Variants in PCDHGB7 observed in about 807,000 individuals in gnomAD.
PCDHGB7 encodes protocadherin gamma-B7.
In PCDHGB7, 37 loss-of-function variants were observed where a neutral mutation model predicts 61.4. The ratio of observed to expected loss-of-function variants is 0.60; its 90% CI spans 0.46 to 0.79. The LOEUF is 0.79. PCDHGB7 is among the 30% of genes least tolerant of loss of function. The pLI is 0.00. For missense variants in PCDHGB7, 1,166 were observed against 1,202.5 expected (o/e 0.97, Z 0.45); for synonymous variants, 464 against 503.5 (o/e 0.92, Z 1.05).
chr5:141,465,950 A>G (rs570810183), intron 1 of PCDHGB7, among the ~76,000 whole-genome samples: 2 of 152,102 alleles, frequency 1.3e-5, no homozygotes, highest in African/African-American at 4.8e-5. Flanking sequence ...GTGAAACCCC[A>G]TCTCTACTAA....
At chr5:141,423,341 TC>T (rs767448191) in intron 1 of PCDHGB7, 181 of 1,614,176 alleles carry the variant, frequency 1.1e-4, no homozygotes, top group Admixed American at 2.7e-4. Context: ...TCCTGCATCT[TC>T]CTGGTCTTTG....
Position 141,489,712 on chromosome 5 carries a change from C to G in PCDHGB7, c.2416-5095C>G. On this transcript the variant is annotated intron_variant, in intron 1 of 3. Transcript: ENST00000398594. The surrounding 1 kb of genome is among the most constrained non-coding windows in gnomAD (Gnocchi z 4.5). ...GGCACGATTCCCACTGGACAGTGCC[C>G]AGGATCCGGATGTGGGCACCAATAC... The G allele has an allele frequency of 6.2e-7, 1 of 1,614,162 alleles. No individual in the cohort carries two copies. Among genetic ancestry groups the G allele is most frequent in the South Asian group, 1.1e-5 (1 of 91,078 alleles).
chr5:141,418,031 G>A lies in PCDHGB7; in HGVS notation c.172G>A (p.Val58Ile), dbSNP rs760396058. The change falls in exon 1 of 4, where the codon GTC (valine) becomes ATC (isoleucine). Residue 58 changes from valine to isoleucine, a missense_variant. Coordinates refer to ENST00000398594, the MANE Select transcript of PCDHGB7 (RefSeq NM_018927.4). ...CCTCGCTAAGGATCTAGGGCTTAGT[G>A]TCCTGGATGTGTCGGCTCGCGAGCT... is the stretch of plus-strand genomic sequence containing the variant. ...GNLAKDLGLS[V>I]LDVSARELRV... 6.2e-7 allele frequency: 1 copy of A among 1,614,022 alleles called. No individual in the cohort carries two copies. Among genetic ancestry groups the A allele is most frequent in the Non-Finnish European group, 8.5e-7 (1 of 1,179,866 alleles).
Position 141,487,252 on chromosome 5 carries a change from G to T in PCDHGB7, c.2416-7555G>T. ...GAGAATCTCGTCTAACCCTCTACTT[G>T]GCTGTGTCCCTAGTGGCAATTTGCT... On this transcript the variant is annotated intron_variant, in intron 1 of 3. Transcript: ENST00000398594. The surrounding 1 kb of genome is among the most constrained non-coding windows in gnomAD (Gnocchi z 5.0). 1 of 1,614,110 alleles carries T rather than the reference G, an allele frequency of 6.2e-7. No homozygotes were observed. The highest frequency in any genetic ancestry group is 8.5e-7 in the Non-Finnish European group (1 of 1,180,014).
At chr5:141,463,518 G>C (rs537466389) in intron 1 of PCDHGB7, among the ~76,000 whole-genome samples, 1 of 139,068 alleles carries the variant, frequency 7.2e-6, no homozygotes, top group African/African-American at 2.8e-5. Context: ...GCGTGATCTC[G>C]GCTTACTAGA....
rs1326296096 is a variant in PCDHGB7, at chr5:141,505,460, A to G, written c.2542A>G (p.Met848Val). The change falls in exon 3 of 4, where the codon ATG becomes GTG. Residue 848 changes from methionine to valine, a missense_variant. Transcript: ENST00000398594. Reference protein sequence around the residue: ...NQFDTEMLQAMILASASEAAD... With the variant: ...NQFDTEMLQAVILASASEAAD... ...GTTTGACACAGAGATGCTGCAAGCC[A>G]TGATCTTGGCGTCCGCCAGTGGTAA... 2 of 1,614,070 alleles carry G rather than the reference A, an allele frequency of 1.2e-6. No homozygotes were observed. The highest frequency in any genetic ancestry group is 1.3e-5 in the African/African-American group (1 of 74,942).
In PCDHGB7 at chr5:141,511,074, C is replaced by G; in HGVS notation, c.2691C>G (p.Ser897Arg). 1.2e-6 allele frequency: 2 copies of G among 1,614,238 alleles called. No homozygotes were observed. The highest frequency in any genetic ancestry group is 1.7e-6 in the Non-Finnish European group (2 of 1,180,040). ...GCCAGAATGTCTACATCCCAGGCAGCAATGCCACACTGACCAACGCAGCTG... is the reference window on the plus strand; with the variant it reads ...GCCAGAATGTCTACATCCCAGGCAGGAATGCCACACTGACCAACGCAGCTG... The part of the protein sequence containing the change: ...DYRQNVYIPG[S>R]NATLTNAAGK... Residue 897 changes from serine (S) to arginine (R), a missense_variant, in exon 4 of 4, where the codon AGC becomes AGG. Coordinates refer to ENST00000398594, the MANE Select transcript of PCDHGB7 (RefSeq NM_018927.4).
chr5:141,490,566 C>T lies in PCDHGB7; in HGVS notation c.2416-4241C>T. 3 of 1,614,132 alleles carry T rather than the reference C, an allele frequency of 1.9e-6. No homozygotes were observed. Among genetic ancestry groups the T allele is most frequent in the Non-Finnish European group, 2.5e-6 (3 of 1,180,028 alleles). On this transcript the variant is annotated intron_variant, in intron 1 of 3. Transcript: ENST00000398594. This position sits in a 1 kb window ranked among gnomAD's most constrained non-coding sequence, Gnocchi z 5.4. ...TACACAAACATCTCACCATCAGGCT[C>T]AACATTTCAGATGTCAATGACAATG...
chr5:141,441,772 TG>T, intron 1 of PCDHGB7: 1 of 388,268 alleles, frequency 2.6e-6, no homozygotes, highest in South Asian at 2.0e-5. Flanking sequence ...CGCGTGTTGG[TG>T]GACGACCTGA....
At chr5:141,449,588 CA>C (rs768743917) in intron 1 of PCDHGB7, among the ~76,000 whole-genome samples, 1,277 of 57,494 alleles carry the variant, frequency 0.022, 7 homozygotes, top group Middle Eastern at 0.041. Flanking sequence ...GACTCTGTCT[CA>C]AAAAAAAAAA....
intron 1 of PCDHGB7, among the ~76,000 whole-genome samples, chr5:141,462,903 T>A (rs1455334521): frequency 6.6e-6 from 1 of 152,208 alleles, no homozygotes; most frequent in Non-Finnish European, 1.5e-5. Context: ...GGAAGGCTAT[T>A]ATGTTTTTTG....
chr5:141,482,645 G>A (rs1267966412), intron 1 of PCDHGB7, among the ~76,000 whole-genome samples: 1 of 152,120 alleles, frequency 6.6e-6, no homozygotes, highest in Admixed American at 6.5e-5. Context: ...TAGAGGTGGT[G>A]ATGCTTGAGC....
chr5:141,478,799 CTT>C, intron 1 of PCDHGB7: 1 of 1,463,738 alleles, frequency 6.8e-7, no homozygotes, highest in Non-Finnish European at 9.0e-7. Flanking sequence ...CCTCAGCACT[CTT>C]TTGCTATCAC....
intron 1 of PCDHGB7, among the ~76,000 whole-genome samples, chr5:141,473,383 C>A (rs976400317): frequency 3.3e-5 from 5 of 152,200 alleles, no homozygotes; most frequent in African/African-American, 9.6e-5. Context: ...GGTCCCTGCC[C>A]TCCTGGAGCT....
chr5:141,444,900 T>C (rs997464788), intron 1 of PCDHGB7, among the ~76,000 whole-genome samples: 1 of 152,182 alleles, frequency 6.6e-6, no homozygotes, highest in Non-Finnish European at 1.5e-5. Context: ...TGGGATGGCA[T>C]TGCATCTATA....
At chr5:141,504,511 CTCTGATAT>C (rs2099838890) in intron 2 of PCDHGB7, among the ~76,000 whole-genome samples, 1 of 151,902 alleles carries the variant, frequency 6.6e-6, no homozygotes, top group Non-Finnish European at 1.5e-5. Flanking sequence ...AGTGGATCTC[CTCTGATAT>C]ATTTTATTCG....
Position 141,490,888 on chromosome 5 carries a change from C to G in PCDHGB7, c.2416-3919C>G. The G allele has an allele frequency of 1.2e-6, 2 of 1,613,358 alleles. No individual in the cohort carries two copies. The highest frequency in any genetic ancestry group is 1.7e-6 in the Non-Finnish European group (2 of 1,179,390). On this transcript the variant is annotated intron_variant, in intron 1 of 3. Transcript: ENST00000398594. This position sits in a 1 kb window ranked among gnomAD's most constrained non-coding sequence, Gnocchi z 5.4. Reference sequence around the variant, plus strand: ...TCCCCCATTGCATGCCAACACATCTCTGCATGTGTTTGTCCTAGACGAGAA... The same window carrying G: ...TCCCCCATTGCATGCCAACACATCTGTGCATGTGTTTGTCCTAGACGAGAA...
At chr5:141,427,450 CT>C in intron 1 of PCDHGB7, 1 of 486,442 alleles carries the variant, frequency 2.1e-6, no homozygotes, top group South Asian at 1.5e-5. Flanking sequence ...GAAAGAGTTC[CT>C]TTTAGAATCG....
At chr5:141,480,195 G>A (rs1350891459) in intron 1 of PCDHGB7, among the ~76,000 whole-genome samples, 1 of 151,182 alleles carries the variant, frequency 6.6e-6, no homozygotes, top group Non-Finnish European at 1.5e-5. Context: ...CTTGAGGCCA[G>A]CAGTTCAAGA....
Sources: allele counts gnomAD v4.1 joint callset (sites outside exome capture counted in the v4.1 genomes callset), GRCh38; gene constraint gnomAD v4.1.1; non-coding constraint Gnocchi (gnomAD v3.1); transcripts MANE v1.5; gene names NCBI Gene and HGNC (gene_info 2026-07-23, HGNC 2026-07-21).